AFF2: variants seen among roughly 807,000 people sequenced by gnomAD.
AFF2 encodes the protein AF4/FMR2 family member 2.
In AFF2, 14 loss-of-function variants were observed where a neutral mutation model predicts 76.9. That is an observed-to-expected ratio of 0.18 (90% CI 0.12 to 0.28). The LOEUF is 0.28. Ranked by LOEUF, AFF2 falls within the 10% of genes least tolerant of loss-of-function variation. The pLI is 1.00. For synonymous variants in AFF2, 398 were observed against 366.7 expected (o/e 1.09, Z -0.98); for missense variants, 868 against 1,001.1 (o/e 0.87, Z 1.79).
At chrX:148,509,324 T>A (rs183006157) in intron 1 of AFF2, among the ~76,000 whole-genome samples, 1 of 111,835 alleles carries the variant, frequency 8.9e-6, no homozygotes, top group East Asian at 2.8e-4. Context: ...AAATTTTTAT[T>A]GTTTAGGGGA....
intron 3 of AFF2, among the ~76,000 whole-genome samples, chrX:148,680,184 A>C (rs2054531994): frequency 8.9e-6 from 1 of 112,147 alleles, no homozygotes; most frequent in Non-Finnish European, 1.9e-5. Context: ...AAAACTTTAG[A>C]AGAAGAGATG....
At chrX:148,988,289 G>A (rs1943893966) in intron 20 of AFF2, among the ~76,000 whole-genome samples, 1 of 112,005 alleles carries the variant, frequency 8.9e-6, no homozygotes. Flanking sequence ...TTCTGGCCCA[G>A]CAGTCACAGA....
chrX:148,824,684 G>A (rs1444453696), intron 4 of AFF2, among the ~76,000 whole-genome samples: 1 of 111,809 alleles, frequency 8.9e-6, no homozygotes, highest in East Asian at 2.8e-4. Context: ...CATTTGGATT[G>A]TGTGACCCTC....
At chrX:148,640,183 T>C (rs2054073678) in intron 1 of AFF2, among the ~76,000 whole-genome samples, 1 of 112,389 alleles carries the variant, frequency 8.9e-6, no homozygotes, top group African/African-American at 3.2e-5. Context: ...GACTGTGTTG[T>C]TTTAATTTGC....
intron 8 of AFF2, among the ~76,000 whole-genome samples, chrX:148,887,947 C>T (rs1412017411): frequency 3.6e-5 from 4 of 112,662 alleles, no homozygotes; most frequent in African/African-American, 1.3e-4. Context: ...AGCAGTAATA[C>T]TAGCAATGTT....
intron 1 of AFF2, among the ~76,000 whole-genome samples, chrX:148,524,108 T>TCC (rs2052631152): frequency 1.3e-5 from 1 of 75,381 alleles, no homozygotes; most frequent in Non-Finnish European, 2.4e-5. Context: ...TCTCTCTCTC[T>TCC]CTCTCTCTCT....
chrX:148,859,654 G>GA (rs2070824981), intron 7 of AFF2, among the ~76,000 whole-genome samples: 1 of 110,842 alleles, frequency 9.0e-6, no homozygotes, highest in South Asian at 3.7e-4. Flanking sequence ...AATAAAAACA[G>GA]AAAAACAAAT....
chrX:148,672,887 C>T (rs1274651138), intron 3 of AFF2, among the ~76,000 whole-genome samples: 1 of 111,318 alleles, frequency 9.0e-6, no homozygotes, highest in East Asian at 2.8e-4. Context: ...TGAAACACAG[C>T]CACCCTCAAG....
intron 3 of AFF2, among the ~76,000 whole-genome samples, chrX:148,727,986 A>C (rs1335678766): frequency 8.9e-6 from 1 of 112,196 alleles, no homozygotes; most frequent in Non-Finnish European, 1.9e-5. Context: ...TTAATACATG[A>C]GTGCTTTTGA....
At chrX:148,874,264 G>A (rs1311099183) in intron 7 of AFF2, among the ~76,000 whole-genome samples, 3 of 111,853 alleles carry the variant, frequency 2.7e-5, no homozygotes, top group Non-Finnish European at 3.8e-5. Context: ...TTTTAAGGCT[G>A]CTTCTAAATA....
At chrX:148,735,059 A>C (rs1211108221) in intron 3 of AFF2, among the ~76,000 whole-genome samples, 1 of 111,836 alleles carries the variant, frequency 8.9e-6, no homozygotes, top group African/African-American at 3.2e-5. Flanking sequence ...ATAAGAATAG[A>C]CCCTTAGTTT....
rs782405205 is a variant in AFF2, at chrX:148,529,977, C to T, written c.47+28833C>T. ...ATCTTAGCTTAACCATGTAATCCTGCGACTTTGGGCAAGTCCCTTCCCCTC... is the reference window on the plus strand; with the variant it reads ...ATCTTAGCTTAACCATGTAATCCTGTGACTTTGGGCAAGTCCCTTCCCCTC... On this transcript the variant is annotated intron_variant, in intron 1 of 20. Transcript: ENST00000370460. Among the ~76,000 whole-genome samples the T allele has an allele frequency of 2.0e-3, 219 of 111,382 alleles. 2 individuals carry two copies. The highest frequency in any genetic ancestry group is 6.4e-3 in the African/African-American group (197 of 30,622).
chrX:148,958,943 G>T (rs968173386), intron 12 of AFF2, among the ~76,000 whole-genome samples: 32 of 105,524 alleles, frequency 3.0e-4, no homozygotes, highest in Non-Finnish European at 5.4e-4. Flanking sequence ...ACATTCATAT[G>T]AATCTTGAGG....
chrX:148,741,853 G>A (rs2055359564), intron 3 of AFF2, among the ~76,000 whole-genome samples: 1 of 111,244 alleles, frequency 9.0e-6, no homozygotes, highest in South Asian at 3.8e-4. Context: ...CACTTGGCTC[G>A]GCTCTCTAAC....
intron 9 of AFF2, among the ~76,000 whole-genome samples, chrX:148,943,864 T>G (rs1390250997): frequency 3.6e-5 from 4 of 111,923 alleles, no homozygotes; most frequent in African/African-American, 1.3e-4. Flanking sequence ...CTTAGAAGCT[T>G]ACCTTCTAAA....
At chrX:148,922,861 G>A (rs1557283359) in intron 9 of AFF2, among the ~76,000 whole-genome samples, 2 of 111,709 alleles carry the variant, frequency 1.8e-5, no homozygotes, top group Non-Finnish European at 3.8e-5. Context: ...TATGAAGAAG[G>A]TGACTCCCAT....
At chrX:148,849,211 GA>G (rs2070702342) in intron 7 of AFF2, among the ~76,000 whole-genome samples, 1 of 110,712 alleles carries the variant, frequency 9.0e-6, no homozygotes, top group Non-Finnish European at 1.9e-5. Flanking sequence ...CACAAAAGCT[GA>G]AAACAGAGAT....
intron 1 of AFF2, among the ~76,000 whole-genome samples, chrX:148,547,796 C>A (rs181666434): frequency 3.9e-4 from 44 of 112,058 alleles, no homozygotes; most frequent in African/African-American, 1.3e-3. Context: ...GAAATATCAA[C>A]TTCCCAAGTG....
intron 3 of AFF2, among the ~76,000 whole-genome samples, chrX:148,684,904 A>G (rs984423341): frequency 8.9e-6 from 1 of 112,536 alleles, no homozygotes; most frequent in Non-Finnish European, 1.9e-5. Context: ...CACAGGTATT[A>G]TCTGTATTAT....
Sources: allele counts gnomAD v4.1 joint callset (sites outside exome capture counted in the v4.1 genomes callset), GRCh38; gene constraint gnomAD v4.1.1; transcripts MANE v1.5; gene names NCBI Gene and HGNC (gene_info 2026-07-23, HGNC 2026-07-21).